The following CPE variants were observed in gnomAD, a reference collection of about 807,000 sequenced individuals.
The protein encoded by CPE is carbocypeptidase E.
In CPE, 17 loss-of-function variants were observed where a neutral mutation model predicts 53.5. The observed-to-expected ratio is 0.32, with a 90% CI of 0.22 to 0.48. The LOEUF is 0.48. CPE is among the 20% of genes least tolerant of loss of function. The pLI, the probability that CPE is intolerant of heterozygous loss-of-function variation, is 0.99. For synonymous variants in CPE, 226 were observed against 228.8 expected, an observed-to-expected ratio of 0.99 and a Z score of 0.11; for missense variants, 524 against 614.7, an observed-to-expected ratio of 0.85 and a Z score of 1.56.
chr4:165,462,801 T>A (rs1421739481), intron 1 of CPE, among the ~76,000 whole-genome samples: 1 of 152,120 alleles, frequency 6.6e-6, no homozygotes, highest in African/African-American at 2.4e-5. Context: ...TCCCACCTGA[T>A]CCTTAGATTA....
intron 3 of CPE, among the ~76,000 whole-genome samples, chr4:165,468,879 T>C (rs995538655): frequency 1.3e-5 from 2 of 152,222 alleles, no homozygotes; most frequent in African/African-American, 4.8e-5. Context: ...AAACTTAATG[T>C]GATGGTTAAG....
intron 1 of CPE, among the ~76,000 whole-genome samples, chr4:165,433,939 A>G (rs1376319838): frequency 6.6e-6 from 1 of 152,042 alleles, no homozygotes; most frequent in Non-Finnish European, 1.5e-5. Flanking sequence ...TTTCGTTCAG[A>G]TCCTTGAAAG....
Position 165,433,343 on chromosome 4 carries a change from A to G in CPE, c.308-31047A>G, listed in dbSNP as rs1026027314. Among the ~76,000 whole-genome samples, 4 of 152,270 alleles carry G rather than the reference A, an allele frequency of 2.6e-5. No homozygotes were observed. The East Asian group carries it at 7.7e-4, about 29-fold the overall frequency. The stretch of plus-strand genomic sequence containing the variant: ...GATGACTTAGTTTTAGTTTGGTGAC[A>G]TGGAACTCAGAACAAGTGACTCCAT... On this transcript the variant is annotated intron_variant, in intron 1 of 8. Transcript: ENST00000402744.
At chr4:165,451,962 A>C (rs79243610) in intron 1 of CPE, among the ~76,000 whole-genome samples, 1 of 150,548 alleles carries the variant, frequency 6.6e-6, no homozygotes, top group Admixed American at 6.6e-5. Context: ...AAACAATACT[A>C]TATTGCTACA....
chr4:165,441,835 G>C (rs1227656222), intron 1 of CPE, among the ~76,000 whole-genome samples: 1 of 152,118 alleles, frequency 6.6e-6, no homozygotes, highest in Non-Finnish European at 1.5e-5. Flanking sequence ...AAATGACTTT[G>C]GTAAATGCTT....
rs1732731297 is a variant in CPE, at chr4:165,497,896, G to A, written c.*286G>A. ...TCCTAGGCTTAAATGCAATATTCCT[G>A]GTATTATTTACAATGCAGAATTTTT... On this transcript the variant is annotated 3_prime_UTR_variant, in exon 9 of 9. Transcript: ENST00000402744. The A allele has an allele frequency of 1.7e-5, 3 of 177,732 alleles. No homozygotes were observed. Among genetic ancestry groups the A allele is most frequent in the Non-Finnish European group, 3.5e-5 (3 of 85,568 alleles). 11.0% of individuals were successfully genotyped at this position (177,732 alleles called of 1,614,324 possible).
intron 3 of CPE, among the ~76,000 whole-genome samples, chr4:165,470,614 G>A (rs997992363): frequency 4.6e-5 from 7 of 152,138 alleles, no homozygotes; most frequent in African/African-American, 1.4e-4. Flanking sequence ...TTATGTTACA[G>A]AGGCAGTTTA....
intron 1 of CPE, among the ~76,000 whole-genome samples, chr4:165,429,851 GC>G (rs1374378415): frequency 2.2e-5 from 3 of 137,174 alleles, no homozygotes; most frequent in Admixed American, 7.1e-5. Flanking sequence ...CTGTGCTTGT[GC>G]TTTTTGGGTT....
At chr4:165,468,261 T>C (rs1054342503) in intron 3 of CPE, among the ~76,000 whole-genome samples, 11 of 152,220 alleles carry the variant, frequency 7.2e-5, no homozygotes, top group Admixed American at 1.3e-4. Context: ...TTCAAATCAC[T>C]ACTCAGTTTT....
chr4:165,434,084 G>T (rs946091677), intron 1 of CPE, among the ~76,000 whole-genome samples: 2 of 151,362 alleles, frequency 1.3e-5, no homozygotes, highest in Non-Finnish European at 2.9e-5. Context: ...TGTCTTTCCA[G>T]ACTGATTTAG....
intron 1 of CPE, among the ~76,000 whole-genome samples, chr4:165,417,508 CAGT>C (rs1205246250): frequency 6.6e-6 from 1 of 151,596 alleles, no homozygotes; most frequent in Non-Finnish European, 1.5e-5. Context: ...AAACTACAAA[CAGT>C]AGAACTGGCA....
chr4:165,468,160 C>CA (rs1732141759), intron 3 of CPE, among the ~76,000 whole-genome samples: 1 of 152,174 alleles, frequency 6.6e-6, no homozygotes, highest in African/African-American at 2.4e-5. Flanking sequence ...CTCCTCCTGC[C>CA]ATATTACCCT....
rs77722173 is a variant in CPE at position 165,465,735 on chromosome 4, C to T, written c.504+1149C>T. Among the ~76,000 whole-genome samples, 1,277 of 152,046 alleles carry T rather than the reference C, an allele frequency of 8.4e-3. 7 individuals carry two copies. Among genetic ancestry groups the T allele is most frequent in the Middle Eastern group, 0.024 (7 of 294 alleles). The stretch of plus-strand genomic sequence containing the variant: ...ATCATAAAGCCCTAGAACTTTTGTT[C>T]TAGGTTCATATTTTTTCATGAAGAC... On this transcript the variant is annotated intron_variant, in intron 2 of 8. Transcript: ENST00000402744.
chr4:165,461,192 G>GAA (rs1553976646), intron 1 of CPE, among the ~76,000 whole-genome samples: 29 of 97,448 alleles, frequency 3.0e-4, no homozygotes, highest in African/African-American at 1.1e-3. Context: ...AAAAAAGAAA[G>GAA]AAAGAAAAGA....
intron 1 of CPE, among the ~76,000 whole-genome samples, chr4:165,455,578 C>T (rs970239616): frequency 3.3e-5 from 5 of 152,042 alleles, no homozygotes; most frequent in Non-Finnish European, 5.9e-5. Context: ...ATCATTAAAA[C>T]AATCTCTGCC....
rs181341836 is a variant in CPE, at chr4:165,495,314, C to T, written c.1214-245C>T. Among the ~76,000 whole-genome samples, 8 of 152,120 alleles carry T rather than the reference C, an allele frequency of 5.3e-5. No homozygotes were observed. In the East Asian group the frequency reaches 5.8e-4, roughly 11 times the overall value. On this transcript the variant is annotated intron_variant, in intron 7 of 8. Transcript: ENST00000402744. ...TGTGATTAGAAGATCTATGATCGTA[C>T]GAGGTTTATTAGACAATTTAACATT...
intron 1 of CPE, among the ~76,000 whole-genome samples, chr4:165,433,779 T>C (rs1731452084): frequency 6.6e-6 from 1 of 152,224 alleles, no homozygotes; most frequent in Non-Finnish European, 1.5e-5. Flanking sequence ...CCTTCTTAAA[T>C]GCAGAGGATA....
rs145981091 is a variant in CPE, at chr4:165,495,703, C to T, written c.1332+26C>T. ...GTAAGTAATCATAATAATAGCCAAA[C>T]GCTATAATAATAATTAAGCATTTAT... On this transcript the variant is annotated intron_variant, in intron 8 of 8. Coordinates refer to ENST00000402744, the MANE Select transcript of CPE (RefSeq NM_001873.4). 6.0e-5 allele frequency: 85 copies of T among 1,414,556 alleles called. No homozygotes were observed. In the Admixed American group the frequency reaches 7.4e-4, roughly 12 times the overall value. 87.6% of individuals were successfully genotyped at this position (1,414,556 alleles called of 1,614,324 possible). A position where few individuals can be genotyped will look rare whatever the true frequency, so the allele number is the denominator to read the frequency against.
intron 1 of CPE, among the ~76,000 whole-genome samples, chr4:165,411,171 C>G (rs1346370701): frequency 4.0e-5 from 6 of 151,836 alleles, no homozygotes; most frequent in African/African-American, 1.4e-4. Flanking sequence ...TCCTTTTTTT[C>G]TCCTCCGTGG....
Sources: gnomAD v4.1 joint callset for allele counts (sites outside exome capture counted in the v4.1 genomes callset) on GRCh38, gnomAD v4.1.1 for gene constraint, MANE v1.5 for transcripts, NCBI Gene and HGNC (gene_info 2026-07-23, HGNC 2026-07-21) for gene names.